GSE1: variants seen among roughly 807,000 people sequenced by gnomAD.
GSE1 encodes the protein genetic suppressor element 1.
Under a neutral mutation model 112.6 loss-of-function variants are expected in GSE1, and 32 were observed. That is an observed-to-expected ratio of 0.28 (90% CI 0.21 to 0.38). The LOEUF is 0.38. Among genes scored for constraint, GSE1 ranks in the 10% least tolerant of loss-of-function variants. The probability of loss-of-function intolerance (pLI) is 1.00; values close to 1 mark genes in which losing one functional copy is unlikely to be tolerated. For missense variants in GSE1, 2,348 were observed against 1,699.2 expected (o/e 1.38, Z -6.71); for synonymous variants, 1,115 against 735.6 (o/e 1.52, Z -8.35).
intron 1 of GSE1, among the ~76,000 whole-genome samples, chr16:85,339,204 G>C (rs962019336): frequency 2.0e-5 from 3 of 152,168 alleles, no homozygotes; most frequent in African/African-American, 7.2e-5. Context: ...GCTATTTTAC[G>C]TGATTGCAAA....
At chr16:85,613,228 A>G, upstream of GSE1, 4 of 1,500,472 alleles carry the variant, frequency 2.7e-6, no homozygotes, top group South Asian at 3.9e-5. Context: ...CTCGGCGGCG[A>G]CAGCAGCAGG....
chr16:85,572,453 AC>A (rs2046042616), intron 1 of GSE1, among the ~76,000 whole-genome samples: 1 of 103,582 alleles, frequency 9.7e-6, no homozygotes, highest in Non-Finnish European at 2.1e-5. Flanking sequence ...CACAGCACAT[AC>A]CACACACACA....
At chr16:85,348,294 G>A (rs1398319327) in intron 1 of GSE1, among the ~76,000 whole-genome samples, 1 of 123,560 alleles carries the variant, frequency 8.1e-6, no homozygotes, top group East Asian at 2.0e-4. Context: ...TCCATCCACT[G>A]TTCATCCATC....
chr16:85,315,677 T>G (rs1273607222), intron 1 of GSE1, among the ~76,000 whole-genome samples: 2 of 152,180 alleles, frequency 1.3e-5, no homozygotes. Context: ...ACCGGTTCCA[T>G]TTGCATTTCA....
chr16:85,532,376 T>C (rs550372940), intron 2 of GSE1, among the ~76,000 whole-genome samples: 1 of 152,288 alleles, frequency 6.6e-6, no homozygotes, highest in Non-Finnish European at 1.5e-5. Context: ...TCCTCCTGAC[T>C]CAGCCTCCCG....
intron 1 of GSE1, among the ~76,000 whole-genome samples, chr16:85,589,655 C>T (rs1174680471): frequency 1.3e-5 from 2 of 152,096 alleles, no homozygotes; most frequent in East Asian, 3.9e-4. Flanking sequence ...GTATGTGTGA[C>T]GTGTGCAAAT....
rs371484225 is a variant in GSE1, at chr16:85,197,779, C to T, written c.2283+25972C>T. 3.9e-5 allele frequency among the ~76,000 whole-genome samples: 6 copies of T among 152,318 alleles called. No individual in the cohort carries two copies. The South Asian group carries it at 1.2e-3, about 32-fold the overall frequency. On this transcript the variant is annotated intron_variant, in intron 1 of 2. Coordinates refer to the GSE1 transcript ENST00000637419. ...TCGTTGGCCAAGGGACCTAGAGGGG[C>T]AGTCCCCTCCTGCACGTTGTTATAG... is the stretch of plus-strand genomic sequence containing the variant.
Position 85,589,739 on chromosome 16 carries a change from G to GGAT in GSE1, c.37+33379_37+33381dup, listed in dbSNP as rs147323823. ...CGTGTGAATGTGACTGTGTGAATGTGGATGACTGAACATGTGTGAACTTGT... is the reference window on the plus strand; with the variant it reads ...CGTGTGAATGTGACTGTGTGAATGTGGATGATGACTGAACATGTGTGAACTTGT... On this transcript the variant is annotated intron_variant, in intron 1 of 2. Transcript: ENST00000635906. 3.9e-3 allele frequency among the ~76,000 whole-genome samples: 595 copies of GGAT among 152,258 alleles called. 2 individuals carry two copies. The highest frequency in any genetic ancestry group is 6.2e-3 in the Non-Finnish European group (422 of 68,012).
At chr16:85,511,689 T>C (rs2051751646) in intron 2 of GSE1, among the ~76,000 whole-genome samples, 1 of 152,098 alleles carries the variant, frequency 6.6e-6, no homozygotes, top group Non-Finnish European at 1.5e-5. Context: ...CTAAATGCAA[T>C]CTCAAGTGTC....
At chr16:85,578,900 G>A (rs115853605) in intron 1 of GSE1, among the ~76,000 whole-genome samples, 4,147 of 150,122 alleles carry the variant, frequency 0.028, 159 homozygotes, top group African/African-American at 0.087. Flanking sequence ...ATCTTACTGC[G>A]TCTCCTCAAC....
intron 2 of GSE1, among the ~76,000 whole-genome samples, chr16:85,361,572 C>T (rs570715080): frequency 1.4e-4 from 21 of 152,342 alleles, no homozygotes; most frequent in African/African-American, 5.1e-4. Context: ...GGGGCAGGAG[C>T]CTTTACCAGC....
At chr16:85,235,999 G>GGGCTGA (rs1229324072) in intron 1 of GSE1, among the ~76,000 whole-genome samples, 2 of 151,218 alleles carry the variant, frequency 1.3e-5, no homozygotes, top group Non-Finnish European at 3.0e-5. Context: ...CCTGGGCCTG[G>GGGCTGA]GGCTGAGGCT....
At chr16:85,261,669 C>T (rs1247493342) in intron 1 of GSE1, among the ~76,000 whole-genome samples, 2 of 152,202 alleles carry the variant, frequency 1.3e-5, no homozygotes, top group Non-Finnish European at 2.9e-5. Flanking sequence ...AGGCCACTGA[C>T]TTTCGGCAGT....
rs142336929 is a variant in GSE1 at position 85,515,087 on chromosome 16, G to A, written c.2465-118827G>A. On this transcript the variant is annotated intron_variant, in intron 2 of 2. Transcript: ENST00000637419. The stretch of plus-strand genomic sequence containing the variant: ...CATGCCTATGGATGTGTGTGCACAC[G>A]TGTCAGGGGTGCTCCGCCTCCGGGG... Among the ~76,000 whole-genome samples, 789 of 152,324 alleles carry A rather than the reference G, an allele frequency of 5.2e-3. 4 individuals are homozygous for A. Among genetic ancestry groups the A allele is most frequent in the Middle Eastern group, 0.017 (5 of 294 alleles).
rs568279684 is a variant in GSE1, at chr16:85,360,041, T to A, written c.2464+2398T>A. On this transcript the variant is annotated intron_variant, in intron 2 of 2. Coordinates refer to the GSE1 transcript ENST00000637419. ...TGAGCAAGACTCTGTCTCAAAAAAATTTTTTTTAATTAAAAAAATGTTTTA... is the reference window on the plus strand; with the variant it reads ...TGAGCAAGACTCTGTCTCAAAAAAAATTTTTTTAATTAAAAAAATGTTTTA... 1.2e-3 allele frequency among the ~76,000 whole-genome samples: 175 copies of A among 151,990 alleles called. 1 individual carries two copies. Among genetic ancestry groups the A allele is most frequent in the East Asian group, 9.5e-3 (49 of 5,164 alleles).
At chr16:85,380,985 C>T (rs2047534369) in intron 2 of GSE1, among the ~76,000 whole-genome samples, 1 of 152,208 alleles carries the variant, frequency 6.6e-6, no homozygotes, top group African/African-American at 2.4e-5. Context: ...TAACTGGAAG[C>T]AAACAATTCA....
chr16:85,193,511 G>A (rs909441146), intron 1 of GSE1, among the ~76,000 whole-genome samples: 3 of 152,040 alleles, frequency 2.0e-5, no homozygotes, highest in Non-Finnish European at 4.4e-5. Context: ...CCAGGCTGAA[G>A]TGCAGTGGTG....
chr16:85,318,403 G>A (rs1159727669), intron 1 of GSE1, among the ~76,000 whole-genome samples: 1 of 152,106 alleles, frequency 6.6e-6, no homozygotes, highest in African/African-American at 2.4e-5. Flanking sequence ...AGCTGGGACA[G>A]CAGGCATGCA....
intron 1 of GSE1, among the ~76,000 whole-genome samples, chr16:85,342,579 C>T (rs954162855): frequency 1.1e-4 from 16 of 152,292 alleles, no homozygotes; most frequent in African/African-American, 3.8e-4. Context: ...GGATGAATTC[C>T]TCCTCCTCAG....
Sources: gnomAD v4.1 joint callset for allele counts (sites outside exome capture counted in the v4.1 genomes callset) on GRCh38, gnomAD v4.1.1 for gene constraint, MANE v1.5 for transcripts, NCBI Gene and HGNC (gene_info 2026-07-23, HGNC 2026-07-21) for gene names.